The following CDK8 variants were observed in gnomAD, a reference collection of about 807,000 sequenced individuals.
CDK8 encodes cyclin-dependent kinase 8.
CDK8 carries 29 observed loss-of-function variants against 71.5 expected under a neutral mutation model. That is an observed-to-expected ratio of 0.41 (90% CI 0.30 to 0.55). CDK8 has a LOEUF of 0.55. Among genes scored for constraint, CDK8 ranks in the 20% least tolerant of loss-of-function variants. The probability of loss-of-function intolerance (pLI) is 0.37; values close to 1 mark genes in which losing one functional copy is unlikely to be tolerated. For synonymous variants in CDK8, 161 were observed against 192.1 expected (o/e 0.84, Z 1.34); for missense variants, 288 against 572.6 (o/e 0.50, Z 5.07).
intron 1 of CDK8, among the ~76,000 whole-genome samples, chr13:26,312,382 G>A (rs1874326367): frequency 6.6e-6 from 1 of 152,118 alleles, no homozygotes; most frequent in African/African-American, 2.4e-5. Context: ...CACTCTTTGG[G>A]TCTGTACTAC....
At chr13:26,334,655 A>G (rs371940905) in intron 1 of CDK8, among the ~76,000 whole-genome samples, 1 of 152,192 alleles carries the variant, frequency 6.6e-6, no homozygotes, top group African/African-American at 2.4e-5. Flanking sequence ...TTGGCATAAA[A>G]TATGTTGTAA....
At chr13:26,310,654 A>G (rs1033138369) in intron 1 of CDK8, among the ~76,000 whole-genome samples, 2 of 152,172 alleles carry the variant, frequency 1.3e-5, no homozygotes, top group Non-Finnish European at 2.9e-5. Flanking sequence ...CATGAGCTAT[A>G]GGGAGTGGCT....
rs372904640 is a variant in CDK8 at position 26,401,765 on chromosome 13, G to C, written c.1269+141G>C. 11 of 870,126 alleles carry C rather than the reference G, an allele frequency of 1.3e-5. No individual in the cohort carries two copies. In the African/African-American group the frequency reaches 1.8e-4, roughly 14 times the overall value. 53.9% of individuals were successfully genotyped at this position (870,126 alleles called of 1,614,324 possible). On this transcript the variant is annotated intron_variant, in intron 12 of 12. Coordinates refer to ENST00000381527, the MANE Select transcript of CDK8 (RefSeq NM_001260.3). This position sits in a 1 kb window ranked among gnomAD's most constrained non-coding sequence, Gnocchi z 4.5. Reference sequence around the variant, plus strand: ...ATTAACATGAAATGTTACTGGCATGGAAAAGTACTGACAGTGGTATGGTAG... The same window carrying C: ...ATTAACATGAAATGTTACTGGCATGCAAAAGTACTGACAGTGGTATGGTAG...
intron 6 of CDK8, among the ~76,000 whole-genome samples, chr13:26,390,398 C>G (rs2420132): frequency 0.92 from 140,777 of 152,300 alleles, 65,130 homozygotes; most frequent in East Asian, 1. Context: ...TAGTGCTGTG[C>G]TGGTTTATTC....
chr13:26,286,376 G>T (rs959283478), intron 1 of CDK8, among the ~76,000 whole-genome samples: 12 of 152,152 alleles, frequency 7.9e-5, no homozygotes, highest in African/African-American at 2.9e-4. Context: ...ACAGCCAACT[G>T]ATCTTTGACA....
chr13:26,378,410 A>G (rs1265403301), intron 4 of CDK8, among the ~76,000 whole-genome samples: 5 of 152,184 alleles, frequency 3.3e-5, no homozygotes, highest in Admixed American at 1.3e-4. Flanking sequence ...GGAAATATCA[A>G]TGAGTTTTTT....
Position 26,388,246 on chromosome 13 carries a change from T to G in CDK8, c.646+2904T>G, listed in dbSNP as rs538975273. 2.5e-4 allele frequency among the ~76,000 whole-genome samples: 38 copies of G among 152,370 alleles called. 1 individual carries two copies. Among genetic ancestry groups the G allele is most frequent in the Admixed American group, 4.6e-4 (7 of 15,302 alleles). Reference sequence around the variant, plus strand: ...ATAAGTCAGTTAGATATGGGAATTCTCTATACTATCTTTGTAACTTTTCTA... The same window carrying G: ...ATAAGTCAGTTAGATATGGGAATTCGCTATACTATCTTTGTAACTTTTCTA... On this transcript the variant is annotated intron_variant, in intron 6 of 12. Transcript: ENST00000381527.
At chr13:26,307,162 C>T (rs995446113) in intron 1 of CDK8, among the ~76,000 whole-genome samples, 1 of 152,116 alleles carries the variant, frequency 6.6e-6, no homozygotes, top group African/African-American at 2.4e-5. Context: ...CCCCACCACC[C>T]CCAACCATGT....
chr13:26,276,673 C>T (rs372242996), intron 1 of CDK8, among the ~76,000 whole-genome samples: 17 of 152,162 alleles, frequency 1.1e-4, no homozygotes, highest in Admixed American at 2.0e-4. Flanking sequence ...TAGTGGTAGA[C>T]GATTATCCTA....
chr13:26,276,060 A>C (rs1360196908), intron 1 of CDK8, among the ~76,000 whole-genome samples: 1 of 151,734 alleles, frequency 6.6e-6, no homozygotes, highest in Non-Finnish European at 1.5e-5. Context: ...ATGGGGTTTC[A>C]CCATGTTGGC....
Position 26,353,698 on chromosome 13 carries a change from C to T in CDK8, c.316-42C>T, listed in dbSNP as rs115700653. The T allele has an allele frequency of 1.5e-3, 2,120 of 1,459,584 alleles. 20 individuals carry two copies. In the African/African-American group the frequency reaches 0.021, roughly 15 times the overall value. 90.4% of individuals were successfully genotyped at this position (1,459,584 alleles called of 1,614,324 possible). A position where few individuals can be genotyped will look rare whatever the true frequency, so the allele number is the denominator to read the frequency against. On this transcript the variant is annotated intron_variant, in intron 3 of 12. Transcript: ENST00000381527. ...AATATTATACATCAAATTATCTTTT[C>T]CTTTTTTTAAGCTTCTGTTGATATT... is the stretch of plus-strand genomic sequence containing the variant.
intron 1 of CDK8, among the ~76,000 whole-genome samples, chr13:26,292,370 C>G (rs1211314525): frequency 6.6e-6 from 1 of 152,138 alleles, no homozygotes; most frequent in Non-Finnish European, 1.5e-5. Flanking sequence ...CTACTGGATC[C>G]AAGTGATTGA....
intron 1 of CDK8, among the ~76,000 whole-genome samples, chr13:26,271,667 G>A (rs576813417): frequency 1.3e-5 from 2 of 152,102 alleles, no homozygotes; most frequent in South Asian, 4.2e-4. Context: ...AAAATTAACT[G>A]GGCTTGGTGG....
At chr13:26,403,419 C>T (rs558831248) in intron 12 of CDK8, among the ~76,000 whole-genome samples, 1 of 151,924 alleles carries the variant, frequency 6.6e-6, no homozygotes, top group Non-Finnish European at 1.5e-5. Flanking sequence ...TACCATTACA[C>T]TCCAGCCTGG....
Position 26,336,702 on chromosome 13 carries a change from C to T in CDK8, c.129-865C>T, listed in dbSNP as rs549987228. Reference sequence around the variant, plus strand: ...CCGAGTAGCTGGGACTACAGGCGCCCGCCACCACACCCGGCTAATTGTTTT... The same window carrying T: ...CCGAGTAGCTGGGACTACAGGCGCCTGCCACCACACCCGGCTAATTGTTTT... On this transcript the variant is annotated intron_variant, in intron 1 of 12. Transcript: ENST00000381527. Among the ~76,000 whole-genome samples, 420 of 152,066 alleles carry T rather than the reference C, an allele frequency of 2.8e-3. 1 individual carries two copies. Among genetic ancestry groups the T allele is most frequent in the African/African-American group, 9.5e-3 (394 of 41,494 alleles).
At chr13:26,399,340 TC>T (rs1256964089) in intron 9 of CDK8, among the ~76,000 whole-genome samples, 1 of 152,168 alleles carries the variant, frequency 6.6e-6, no homozygotes, top group African/African-American at 2.4e-5. Flanking sequence ...GTCTGTTAGT[TC>T]ATTGGTTTTC....
At chr13:26,400,737 G>A (rs1156835671) in intron 10 of CDK8, among the ~76,000 whole-genome samples, 187 bp downstream of exon 10, 1 of 151,962 alleles carries the variant, frequency 6.6e-6, no homozygotes, top group African/African-American at 2.4e-5. Flanking sequence ...AGGCATTCCT[G>A]TTCATCTCTT....
intron 2 of CDK8, among the ~76,000 whole-genome samples, chr13:26,345,466 C>T (rs986432125): frequency 3.9e-5 from 6 of 152,116 alleles, no homozygotes; most frequent in African/African-American, 1.4e-4. Flanking sequence ...ACTGCAACCT[C>T]CACCTCCCAG....
At chr13:26,403,690 G>A (rs780214182) in intron 12 of CDK8, among the ~76,000 whole-genome samples, 1 of 152,058 alleles carries the variant, frequency 6.6e-6, no homozygotes, top group Non-Finnish European at 1.5e-5. Context: ...CATAAAAAGG[G>A]GTTACTCCTG....
Sources: allele counts gnomAD v4.1 joint callset (sites outside exome capture counted in the v4.1 genomes callset), GRCh38; gene constraint gnomAD v4.1.1; non-coding constraint Gnocchi (gnomAD v3.1); transcripts MANE v1.5; gene names NCBI Gene and HGNC (gene_info 2026-07-23, HGNC 2026-07-21).